Variants in ZNF804B observed in about 807,000 individuals in gnomAD.
ZNF804B encodes the protein zinc finger 804B.
In ZNF804B, 80 loss-of-function variants were observed where a neutral mutation model predicts 101.4. The ratio of observed to expected loss-of-function variants is 0.79; its 90% CI spans 0.66 to 0.95. The LOEUF (loss-of-function observed/expected upper bound fraction) is 0.95, where lower values mean the gene tolerates loss of function less well. ZNF804B is among the 40% of genes least tolerant of loss of function. The pLI is 0.00. For synonymous variants in ZNF804B, 622 were observed against 558.8 expected, an observed-to-expected ratio of 1.11 and a Z score of -1.59; for missense variants, 1,673 against 1,561.9, an observed-to-expected ratio of 1.07 and a Z score of -1.20.
In ZNF804B at chr7:89,335,512, C is replaced by T. The variant is rs754310291; in HGVS notation, c.2530C>T (p.Pro844Ser). 1 of 1,613,946 alleles carries T rather than the reference C, an allele frequency of 6.2e-7. No homozygotes were observed. The highest frequency in any genetic ancestry group is 8.5e-7 in the Non-Finnish European group (1 of 1,179,958). The change falls in exon 4 of 4, where the codon CCT becomes TCT. Residue 844 changes from proline (P) to serine (S), a missense_variant. Physicochemically the swap from Pro to Ser is moderately conservative, Grantham distance 74 (BLOSUM62 -1). Transcript: ENST00000333190. ...CTGTACTGGAAGCAGTAAAAAACCACCTAATTGCCAGGGAACTCAGCACGA... is the reference window on the plus strand; with the variant it reads ...CTGTACTGGAAGCAGTAAAAAACCATCTAATTGCCAGGGAACTCAGCACGA... Reference protein sequence around the residue: ...ISCTGSSKKPPNCQGTQHDRL... With the variant: ...ISCTGSSKKPSNCQGTQHDRL...
intron 1 of ZNF804B, among the ~76,000 whole-genome samples, chr7:89,049,140 T>C (rs1351748219): frequency 6.6e-6 from 1 of 152,176 alleles, no homozygotes; most frequent in Non-Finnish European, 1.5e-5. Flanking sequence ...TTAATAATTA[T>C]GTACCTTCAT....
chr7:89,102,500 G>A (rs796163241), intron 1 of ZNF804B, among the ~76,000 whole-genome samples: 37 of 151,948 alleles, frequency 2.4e-4, no homozygotes, highest in African/African-American at 4.8e-4. Context: ...AGAAATACCC[G>A]TTCATGTCCT....
chr7:88,819,081 C>T (rs1214149905), intron 1 of ZNF804B, among the ~76,000 whole-genome samples: 1 of 152,010 alleles, frequency 6.6e-6, no homozygotes, highest in African/African-American at 2.4e-5. Flanking sequence ...CTTCACTGCC[C>T]ATTGTGATAC....
intron 1 of ZNF804B, among the ~76,000 whole-genome samples, chr7:89,048,405 G>T (rs1282588297): frequency 6.6e-6 from 1 of 151,898 alleles, no homozygotes; most frequent in Non-Finnish European, 1.5e-5. Flanking sequence ...CCTGGGAGGG[G>T]ATATAATGAG....
intron 1 of ZNF804B, among the ~76,000 whole-genome samples, chr7:89,206,515 G>A (rs1404707609): frequency 6.6e-6 from 1 of 152,188 alleles, no homozygotes; most frequent in Non-Finnish European, 1.5e-5. Flanking sequence ...GCTTTGGGAG[G>A]CCGAGGAGAG....
intron 2 of ZNF804B, among the ~76,000 whole-genome samples, chr7:89,225,712 G>T (rs563877739): frequency 6.6e-6 from 1 of 152,206 alleles, no homozygotes; most frequent in African/African-American, 2.4e-5. Context: ...AAGGTGTCAT[G>T]AAATGACATT....
chr7:89,336,390 T>G lies in ZNF804B; in HGVS notation c.3408T>G (p.His1136Gln). ...TCGAAGACGGATTAGAAATGTGTCA[T>G]AAATCTATCTCTCCCCCTTTAATTC... ...DKVEDGLEMC[H>Q]KSISPPLIQQ... Residue 1136 changes from histidine to glutamine, a missense_variant, in exon 4 of 4, where the codon CAT becomes CAG. By Grantham distance (24) the His-to-Gln change is conservative (BLOSUM62 0). Transcript: ENST00000333190. The G allele has an allele frequency of 6.2e-7, 1 of 1,614,078 alleles. No homozygotes were observed. The highest frequency in any genetic ancestry group is 1.1e-5 in the South Asian group (1 of 91,080).
chr7:89,275,425 A>G (rs73399179), intron 2 of ZNF804B, among the ~76,000 whole-genome samples: 4,418 of 151,970 alleles, frequency 0.029, 285 homozygotes, highest in African/African-American at 0.1. Flanking sequence ...GCTCTTTTCC[A>G]TATCACTCAA....
At chr7:89,007,359 G>T (rs1292610447) in intron 1 of ZNF804B, among the ~76,000 whole-genome samples, 1 of 147,812 alleles carries the variant, frequency 6.8e-6, no homozygotes, top group African/African-American at 2.5e-5. Context: ...CAAGGTTAGG[G>T]TGAGTATAGG....
chr7:89,089,011 T>G (rs915405390), intron 1 of ZNF804B, among the ~76,000 whole-genome samples: 2 of 151,648 alleles, frequency 1.3e-5, no homozygotes, highest in African/African-American at 2.4e-5. Flanking sequence ...CTCCATGTGC[T>G]CCTGGGTAAG....
rs149460247 is a variant in ZNF804B, at chr7:89,235,468, C to T, written c.249+17173C>T. ...AATCCATATCAAAAATCTGAGTTAC[C>T]CTCCACTTAAAATAATTCCATATGT... is the stretch of plus-strand genomic sequence containing the variant. On this transcript the variant is annotated intron_variant, in intron 2 of 3. Coordinates refer to ENST00000333190, the MANE Select transcript of ZNF804B (RefSeq NM_181646.5). Among the ~76,000 whole-genome samples the T allele has an allele frequency of 3.8e-3, 575 of 152,176 alleles. 3 individuals are homozygous for T. The highest frequency in any genetic ancestry group is 0.013 in the African/African-American group (552 of 41,534).
intron 1 of ZNF804B, among the ~76,000 whole-genome samples, chr7:88,889,540 A>T (rs1792185892): frequency 2.0e-5 from 3 of 151,986 alleles, no homozygotes; most frequent in African/African-American, 7.3e-5. Flanking sequence ...ATTAGTGATG[A>T]TGAGCATTTT....
chr7:88,914,365 TC>T (rs1393162210), intron 1 of ZNF804B, among the ~76,000 whole-genome samples: 1 of 152,160 alleles, frequency 6.6e-6, no homozygotes, highest in Admixed American at 6.5e-5. Flanking sequence ...GTTTTTTCTT[TC>T]ACGATTGCCC....
intron 1 of ZNF804B, among the ~76,000 whole-genome samples, chr7:89,026,132 G>GTAATT (rs1788747575): frequency 6.6e-6 from 1 of 152,098 alleles, no homozygotes; most frequent in Non-Finnish European, 1.5e-5. Context: ...CTAAGCATTG[G>GTAATT]TAATTTAATA....
intron 1 of ZNF804B, among the ~76,000 whole-genome samples, chr7:89,095,207 CT>C (rs898863283): frequency 6.6e-6 from 1 of 151,992 alleles, no homozygotes; most frequent in African/African-American, 2.4e-5. Context: ...GAGGCTTTGT[CT>C]TTTTTGCCCA....
At chr7:89,267,938 A>G (rs1333560441) in intron 2 of ZNF804B, among the ~76,000 whole-genome samples, 5 of 152,072 alleles carry the variant, frequency 3.3e-5, no homozygotes, top group Non-Finnish European at 5.9e-5. Context: ...GCACTTTAGG[A>G]TAATGAAATT....
chr7:89,298,153 G>GTATA (rs1439062511), intron 2 of ZNF804B, among the ~76,000 whole-genome samples: 1 of 94,920 alleles, frequency 1.1e-5, no homozygotes, highest in Non-Finnish European at 2.1e-5. Flanking sequence ...CATATATATA[G>GTATA]TATATATATA....
In ZNF804B at chr7:88,868,042, TGTGTGA is replaced by T. The variant is rs1370007411; in HGVS notation, c.108+107964_108+107969del. On this transcript the variant is annotated intron_variant, in intron 1 of 3. Transcript: ENST00000333190. ...AATATTCATAATTCTACTGTGTGTG[TGTGTGA>T]GTGTGTGTGTGTGTGTGTGTGTGTG... 3.2e-5 allele frequency among the ~76,000 whole-genome samples: 4 copies of T among 124,778 alleles called. No homozygotes were observed. In the South Asian group the frequency reaches 8.3e-4, roughly 26 times the overall value. 81.9% of individuals were successfully genotyped at this position (124,778 alleles called of 152,430 possible). A position where few individuals can be genotyped will look rare whatever the true frequency, so the allele number is the denominator to read the frequency against.
chr7:89,295,772 G>C (rs1395025742), intron 2 of ZNF804B, among the ~76,000 whole-genome samples: 2 of 151,870 alleles, frequency 1.3e-5, no homozygotes, highest in African/African-American at 2.4e-5. Flanking sequence ...TCAACTAATG[G>C]GTAGATAAAG....
Sources: allele counts gnomAD v4.1 joint callset (sites outside exome capture counted in the v4.1 genomes callset), GRCh38; gene constraint gnomAD v4.1.1; transcripts MANE v1.5; gene names NCBI Gene and HGNC (gene_info 2026-07-23, HGNC 2026-07-21).